FAM168A: variants seen among roughly 807,000 people sequenced by gnomAD.
The protein encoded by FAM168A is family with sequence similarity 168 member A.
A neutral mutation model predicts 28.5 loss-of-function variants in FAM168A; 3 were observed. The ratio of observed to expected loss-of-function variants is 0.11; its 90% CI spans 0.05 to 0.27. FAM168A has a LOEUF of 0.27. Among genes scored for constraint, FAM168A ranks in the 10% least tolerant of loss-of-function variants. The pLI is 1.00. For missense variants in FAM168A, 222 were observed against 311.5 expected, an observed-to-expected ratio of 0.71 and a Z score of 2.16; for synonymous variants, 122 against 124.2, an observed-to-expected ratio of 0.98 and a Z score of 0.12.
intron 1 of FAM168A, among the ~76,000 whole-genome samples, chr11:73,514,828 G>GCCATCCAT (rs140788338): frequency 0.011 from 1,560 of 146,530 alleles, 21 homozygotes; most frequent in African/African-American, 0.016. Context: ...GTGAGACTCT[G>GCCATCCAT]CCATCCATCC....
At chr11:73,529,587 C>T (rs1943490599) in intron 1 of FAM168A, among the ~76,000 whole-genome samples, 1 of 152,144 alleles carries the variant, frequency 6.6e-6, no homozygotes. Flanking sequence ...TTCTCTCTAG[C>T]ATCTAACACA....
At chr11:73,410,110 T>C (rs1866582305) in intron 5 of FAM168A, among the ~76,000 whole-genome samples, 1 of 151,482 alleles carries the variant, frequency 6.6e-6, no homozygotes. Context: ...AAAGTACATG[T>C]TGAAAAAAAA....
At chr11:73,519,731 G>A (rs1943352350) in intron 1 of FAM168A, among the ~76,000 whole-genome samples, 1 of 152,028 alleles carries the variant, frequency 6.6e-6, no homozygotes, top group African/African-American at 2.4e-5. Context: ...GAGGATAGCT[G>A]GAACACAGAG....
intron 2 of FAM168A, among the ~76,000 whole-genome samples, chr11:73,445,519 G>A (rs1301957189): frequency 7.8e-6 from 1 of 127,858 alleles, no homozygotes; most frequent in African/African-American, 2.9e-5. Context: ...TCCCTCCTCA[G>A]CATCCCAAAG....
rs56294455 is a variant in FAM168A, at chr11:73,445,419, C to CTTTTTTTTTTTTTTTTTTTTTTTTT, written c.71-14674_71-14650dup. 3.2e-4 allele frequency among the ~76,000 whole-genome samples: 16 copies of CTTTTTTTTTTTTTTTTTTTTTTTTT among 50,460 alleles called. 5 individuals are homozygous for CTTTTTTTTTTTTTTTTTTTTTTTTT. The highest frequency in any genetic ancestry group is 1.1e-3 in the African/African-American group (16 of 14,032). 33.1% of individuals were successfully genotyped at this position (50,460 alleles called of 152,430 possible). ...CCAGTAGATATATGTAAAAATGTCT[C>CTTTTTTTTTTTTTTTTTTTTTTTTT]TTTTTTTTTTTTTTTTTTTTTTTTT... is the stretch of plus-strand genomic sequence containing the variant. On this transcript the variant is annotated intron_variant, in intron 2 of 7. Transcript: ENST00000356467.
chr11:73,448,328 G>A (rs1565249643), intron 2 of FAM168A, among the ~76,000 whole-genome samples: 1 of 152,076 alleles, frequency 6.6e-6, no homozygotes, highest in East Asian at 1.9e-4. Flanking sequence ...TTACAGGTGT[G>A]AGCCACCACG....
chr11:73,555,296 C>T (rs1943876670), intron 1 of FAM168A, among the ~76,000 whole-genome samples: 1 of 152,074 alleles, frequency 6.6e-6, no homozygotes. Flanking sequence ...ACAAGGGTAC[C>T]ATTCCAGTAG....
At chr11:73,543,789 T>C (rs1943688570) in intron 1 of FAM168A, among the ~76,000 whole-genome samples, 1 of 152,160 alleles carries the variant, frequency 6.6e-6, no homozygotes, top group Admixed American at 6.5e-5. Context: ...CTCTTTTGGG[T>C]GCAGAGTACC....
chr11:73,552,562 A>G (rs1943841667), intron 1 of FAM168A, among the ~76,000 whole-genome samples: 1 of 152,230 alleles, frequency 6.6e-6, no homozygotes, highest in South Asian at 2.1e-4. Flanking sequence ...TTCATAGTGA[A>G]CTACAGTTTC....
intron 1 of FAM168A, among the ~76,000 whole-genome samples, chr11:73,508,200 AGATT>A (rs1855152475): frequency 6.6e-6 from 1 of 152,224 alleles, no homozygotes; most frequent in South Asian, 2.1e-4. Context: ...CATCACCTCT[AGATT>A]GTTTATTAAA....
At chr11:73,555,607 T>C (rs997343403) in intron 1 of FAM168A, among the ~76,000 whole-genome samples, 4 of 151,406 alleles carry the variant, frequency 2.6e-5, no homozygotes, top group African/African-American at 9.7e-5. Context: ...ACTTGGATGG[T>C]TGAGGCAGAA....
intron 2 of FAM168A, chr11:73,451,932 C>T (rs1867438630): frequency 6.6e-6 from 1 of 152,262 alleles, no homozygotes; most frequent in Admixed American, 6.5e-5. Flanking sequence ...TACTTCCTGG[C>T]TCTGTGACAG....
Position 73,407,565 on chromosome 11 carries a change from G to C in FAM168A, c.674C>G (p.Thr225Ser), listed in dbSNP as rs780968173. The change falls in exon 7 of 8, where the codon ACC (threonine) becomes AGC (serine). Residue 225 changes from threonine to serine, a missense_variant. By Grantham distance (58) the Thr-to-Ser change is moderately conservative (BLOSUM62 1). This residue lies in a region of FAM168A where 64 missense variants were observed against 94.6 expected (regional missense o/e 0.68). Coordinates refer to ENST00000356467, the MANE Select transcript of FAM168A (RefSeq NM_015159.3). ...TGGGGGCACGTAGCTGTACGCAGGG[G>C]TTCCTTGGGCCCTATATGTTGGCAT... is the stretch of plus-strand genomic sequence containing the variant. ...VSMPTYRAQG[T>S]PAYSYVPPHW 53 of 1,606,188 alleles carry C rather than the reference G, an allele frequency of 3.3e-5. No homozygotes were observed. The Admixed American group carries it at 7.9e-4, about 24-fold the overall frequency.
rs76268469 is a variant in FAM168A at position 73,580,117 on chromosome 11, A to G, written c.-19+17806T>C. The G allele has an allele frequency of 2.4e-4, 83 of 347,138 alleles. 2 individuals carry two copies. The East Asian group carries it at 6.1e-3, about 26-fold the overall frequency. 21.5% of individuals were successfully genotyped at this position (347,138 alleles called of 1,614,324 possible). A position where few individuals can be genotyped will look rare whatever the true frequency, so the allele number is the denominator to read the frequency against. The stretch of plus-strand genomic sequence containing the variant: ...AACTGATGCTACAATCTGTCAAAAT[A>G]TAATTGTCAATGAATAAGTAAAAAA... On this transcript the variant is annotated intron_variant, in intron 1 of 7. Coordinates refer to ENST00000356467, the MANE Select transcript of FAM168A (RefSeq NM_015159.3).
In FAM168A at chr11:73,496,890, C is replaced by CACAA. The variant is rs1333380405; in HGVS notation, c.-18-28399_-18-28398insTTGT. Reference sequence around the variant, plus strand: ...TGTTCTTATCACACACACACACACACACACACACACACACACGCACACACA... The same window carrying CACAA: ...TGTTCTTATCACACACACACACACACACAAACACACACACACACACGCACACACA... On this transcript the variant is annotated intron_variant, in intron 1 of 7. Transcript: ENST00000356467. Among the ~76,000 whole-genome samples, 1,074 of 149,484 alleles carry CACAA rather than the reference C, an allele frequency of 7.2e-3. 15 individuals carry two copies. Among genetic ancestry groups the CACAA allele is most frequent in the African/African-American group, 0.023 (938 of 40,352 alleles).
intron 1 of FAM168A, among the ~76,000 whole-genome samples, chr11:73,585,923 T>TG (rs1415376939): frequency 2.0e-5 from 3 of 146,462 alleles, no homozygotes; most frequent in Non-Finnish European, 4.5e-5. Flanking sequence ...TAGCAACAAA[T>TG]GGTGACCAGA....
At chr11:73,595,495 A>G in intron 1 of FAM168A, among the ~76,000 whole-genome samples, 1 of 152,206 alleles carries the variant, frequency 6.6e-6, no homozygotes, top group Admixed American at 6.5e-5. Context: ...TATCTTCTTT[A>G]CATCCCTCCT....
At chr11:73,588,972 C>G (rs1394872865) in intron 1 of FAM168A, among the ~76,000 whole-genome samples, 1 of 152,052 alleles carries the variant, frequency 6.6e-6, no homozygotes, top group Admixed American at 6.6e-5. Flanking sequence ...GAGGAAACAT[C>G]GAGAAGATGG....
At chr11:73,484,007 T>C (rs964671203) in intron 1 of FAM168A, among the ~76,000 whole-genome samples, 5 of 152,198 alleles carry the variant, frequency 3.3e-5, no homozygotes, top group Non-Finnish European at 7.3e-5. Flanking sequence ...TCAGAAAGAA[T>C]GTCTTTTGAA....
Sources: gnomAD v4.1 joint callset for allele counts (sites outside exome capture counted in the v4.1 genomes callset) on GRCh38, gnomAD v4.1.1 for gene constraint, gnomAD v4.1.1 regional missense constraint, MANE v1.5 for transcripts, NCBI Gene and HGNC (gene_info 2026-07-23, HGNC 2026-07-21) for gene names.